MYOF: variants seen among roughly 807,000 people sequenced by gnomAD.
MYOF encodes myoferlin.
In MYOF, 244 loss-of-function variants were observed where a neutral mutation model predicts 284.2. That is an observed-to-expected ratio of 0.86 (90% CI 0.77 to 0.95). MYOF has a LOEUF of 0.95. Ranked by LOEUF, MYOF falls within the 40% of genes least tolerant of loss-of-function variation. The probability of loss-of-function intolerance (pLI) is 0.00; values close to 1 mark genes in which losing one functional copy is unlikely to be tolerated. For synonymous variants in MYOF, 904 were observed against 919.7 expected, an observed-to-expected ratio of 0.98 and a Z score of 0.31; for missense variants, 2,496 against 2,560.6, an observed-to-expected ratio of 0.97 and a Z score of 0.54.
intron 3 of MYOF, among the ~76,000 whole-genome samples, chr10:93,449,386 T>C (rs1369728623): frequency 6.6e-6 from 1 of 152,210 alleles, no homozygotes; most frequent in Non-Finnish European, 1.5e-5. Flanking sequence ...GTCTAGAATA[T>C]AAACAGTGGT....
chr10:93,380,776 G>A (rs552229702), intron 20 of MYOF, among the ~76,000 whole-genome samples: 26 of 152,304 alleles, frequency 1.7e-4, no homozygotes, highest in African/African-American at 4.8e-4. Flanking sequence ...TCAGTGACAC[G>A]GTTAAGGTCA....
At chr10:93,451,463 C>T (rs191032520) in intron 3 of MYOF, among the ~76,000 whole-genome samples, 52 of 152,238 alleles carry the variant, frequency 3.4e-4, no homozygotes, top group Non-Finnish European at 5.1e-4. Context: ...TTCTGTCCCA[C>T]GGGAACCTGT....
chr10:93,414,267 C>T (rs1000861403), intron 5 of MYOF, among the ~76,000 whole-genome samples: 13 of 151,650 alleles, frequency 8.6e-5, no homozygotes, highest in Admixed American at 7.9e-4. Flanking sequence ...CCAGGTTTGG[C>T]GGCTCACACC....
intron 25 of MYOF, among the ~76,000 whole-genome samples, chr10:93,367,798 G>C (rs1845393427): frequency 6.6e-6 from 1 of 151,896 alleles, no homozygotes; most frequent in Non-Finnish European, 1.5e-5. Flanking sequence ...GCACCTCATA[G>C]ACTCCCAGAA....
chr10:93,317,771 C>A (rs1236148516), intron 49 of MYOF, among the ~76,000 whole-genome samples: 1 of 152,220 alleles, frequency 6.6e-6, no homozygotes, highest in East Asian at 1.9e-4. Context: ...TTGCCTCAGA[C>A]AATGTTAACT....
chr10:93,467,887 G>A (rs1311800347), intron 1 of MYOF, among the ~76,000 whole-genome samples: 1 of 152,222 alleles, frequency 6.6e-6, no homozygotes, highest in Non-Finnish European at 1.5e-5. Context: ...TGCCACTGCA[G>A]GCAGAGGGTG....
Position 93,351,523 on chromosome 10 carries a change from G to A in MYOF, c.3712C>T (p.Leu1238=), listed in dbSNP as rs1411891956. The A allele has an allele frequency of 1.2e-6, 2 of 1,614,196 alleles. No individual in the cohort carries two copies. The highest frequency in any genetic ancestry group is 3.3e-5 in the Admixed American group (2 of 60,022). Residue 1238 remains leucine (L), a synonymous_variant, in exon 34 of 54, where the codon CTG becomes TTG. Coordinates refer to ENST00000359263, the MANE Select transcript of MYOF (RefSeq NM_013451.4). ...GGTGTGATGTCCATTTCTGAGTTCA[G>A]TTTCACCACAGGAGAGAAAATGCTT... The part of the protein sequence containing the change: ...GRSIFSPVVK[L]NSEMDITPKL...
At chr10:93,379,400 G>T (rs1037855825) in intron 21 of MYOF, among the ~76,000 whole-genome samples, 13 of 152,018 alleles carry the variant, frequency 8.6e-5, no homozygotes, top group African/African-American at 2.9e-4. Context: ...TTTTTATCTG[G>T]GCATATGCCT....
chr10:93,404,205 AT>A lies in MYOF; in HGVS notation c.743del (p.Asn248MetfsTer4). 6.2e-7 allele frequency: 1 copy of A among 1,614,170 alleles called. No homozygotes were observed. Among genetic ancestry groups the A allele is most frequent in the Non-Finnish European group, 8.5e-7 (1 of 1,180,006 alleles). The stretch of plus-strand genomic sequence containing the variant: ...TCAATTCAGAAGGGGTCATGTTGAC[AT>A]TGTAGAAAAACAACTGCCAAAACAA... The part of the protein sequence containing the change: ...NPFFDELFFY[N>X]VNMTPSELMD... On this transcript the variant is annotated frameshift_variant, in exon 8 of 54. Coordinates refer to ENST00000359263, the MANE Select transcript of MYOF (RefSeq NM_013451.4). LOFTEE classifies it high-confidence loss of function.
At chr10:93,463,845 T>A (rs1407408334) in intron 1 of MYOF, among the ~76,000 whole-genome samples, 7 of 133,880 alleles carry the variant, frequency 5.2e-5, no homozygotes, top group Non-Finnish European at 9.2e-5. Context: ...ATCCTGGGTG[T>A]TAGAGCAAGA....
intron 5 of MYOF, among the ~76,000 whole-genome samples, chr10:93,414,122 C>A (rs930352198): frequency 6.6e-6 from 1 of 152,236 alleles, no homozygotes; most frequent in African/African-American, 2.4e-5. Context: ...TCCTTCCTGT[C>A]TCTTCCTAGC....
intron 3 of MYOF, among the ~76,000 whole-genome samples, chr10:93,437,340 C>T (rs1849173184): frequency 6.6e-6 from 1 of 151,982 alleles, no homozygotes; most frequent in South Asian, 2.1e-4. Flanking sequence ...AAATGTTCTC[C>T]CCTTTAGCAC....
chr10:93,367,844 C>T (rs936484742), intron 25 of MYOF, among the ~76,000 whole-genome samples: 14 of 151,830 alleles, frequency 9.2e-5, no homozygotes, highest in African/African-American at 2.7e-4. Context: ...TAGAAAATTA[C>T]GTGCTAGTAT....
chr10:93,306,897 T>G lies in MYOF; in HGVS notation c.*66A>C. On this transcript the variant is annotated 3_prime_UTR_variant, in exon 54 of 54. Transcript: ENST00000359263. ...GTCTCAGACACAAAATCACACTGGA[T>G]GTTGGTCTACAGAGGCAGGATTCTC... The G allele has an allele frequency of 6.6e-7, 1 of 1,507,080 alleles. No homozygotes were observed. The highest frequency in any genetic ancestry group is 9.2e-7 in the Non-Finnish European group (1 of 1,084,902). 93.4% of individuals were successfully genotyped at this position (1,507,080 alleles called of 1,614,324 possible). A position where few individuals can be genotyped will look rare whatever the true frequency, so the allele number is the denominator to read the frequency against.
chr10:93,407,630 C>T (rs11187414), intron 7 of MYOF, among the ~76,000 whole-genome samples: 11,577 of 149,326 alleles, frequency 0.078, 1,365 homozygotes, highest in East Asian at 0.64. Flanking sequence ...CCCAGCTACT[C>T]GGGAGGCTGA....
chr10:93,480,467 C>CG (rs2057362312), intron 1 of MYOF, among the ~76,000 whole-genome samples: 1 of 71,766 alleles, frequency 1.4e-5, no homozygotes, highest in Non-Finnish European at 2.4e-5. Context: ...AATTTGCCAG[C>CG]TTTTTTTTTT....
intron 5 of MYOF, chr10:93,425,611 G>C (rs1186316221): frequency 6.1e-6 from 1 of 164,754 alleles, no homozygotes; most frequent in African/African-American, 2.4e-5. Flanking sequence ...GGGGTTAGGG[G>C]AGACAGTGAA....
At chr10:93,413,381 T>C (rs963446356) in intron 5 of MYOF, among the ~76,000 whole-genome samples, 6 of 152,312 alleles carry the variant, frequency 3.9e-5, no homozygotes, top group African/African-American at 1.2e-4. Context: ...GATTAAACAA[T>C]GGTACGGGCT....
intron 19 of MYOF, among the ~76,000 whole-genome samples, chr10:93,382,008 C>T (rs535049924): frequency 2.6e-5 from 4 of 152,106 alleles, no homozygotes; most frequent in East Asian, 1.9e-4. Flanking sequence ...CTGCATCCAG[C>T]CTGGGTGACA....
Sources: allele counts gnomAD v4.1 joint callset (sites outside exome capture counted in the v4.1 genomes callset), GRCh38; gene constraint gnomAD v4.1.1; transcripts MANE v1.5; gene names NCBI Gene and HGNC (gene_info 2026-07-23, HGNC 2026-07-21).